VAT1L: variants seen among roughly 807,000 people sequenced by gnomAD.
The protein encoded by VAT1L is putative NADPH-dependent quinone oxidoreductase VAT1L.
In VAT1L, 34 loss-of-function variants were observed where a neutral mutation model predicts 44.1. That is an observed-to-expected ratio of 0.77 (90% CI 0.59 to 1.03). The LOEUF is 1.03. VAT1L is among the 50% of genes least tolerant of loss of function. The pLI is 0.00. For missense variants in VAT1L, 615 were observed against 538.8 expected (o/e 1.14, Z -1.40); for synonymous variants, 253 against 202.2 (o/e 1.25, Z -2.13).
chr16:77,927,509 G>C (rs1442102504), intron 7 of VAT1L, among the ~76,000 whole-genome samples: 1 of 152,096 alleles, frequency 6.6e-6, no homozygotes, highest in Non-Finnish European at 1.5e-5. Context: ...AGCTTTTGCT[G>C]TCATCCTATG....
chr16:77,897,254 C>T (rs1210345896), intron 7 of VAT1L, among the ~76,000 whole-genome samples: 1 of 152,180 alleles, frequency 6.6e-6, no homozygotes, highest in Non-Finnish European at 1.5e-5. Context: ...GGAATCCACA[C>T]TTCGGTCTGA....
chr16:77,802,389 G>A (rs558064485), intron 1 of VAT1L, among the ~76,000 whole-genome samples: 3 of 152,226 alleles, frequency 2.0e-5, no homozygotes, highest in South Asian at 2.1e-4. Context: ...GGGCAAGGGG[G>A]GTGGAGCACA....
intron 3 of VAT1L, among the ~76,000 whole-genome samples, chr16:77,853,333 A>G (rs1014599326): frequency 1.3e-5 from 2 of 152,216 alleles, no homozygotes; most frequent in Non-Finnish European, 2.9e-5. Context: ...CAACTAGGAA[A>G]AGAGGAAGTG....
At chr16:77,952,351 G>T (rs2018054098) in intron 7 of VAT1L, among the ~76,000 whole-genome samples, 1 of 152,106 alleles carries the variant, frequency 6.6e-6, no homozygotes, top group Admixed American at 6.6e-5. Flanking sequence ...GGGCCTAGTG[G>T]GAGGTGTTCG....
In VAT1L at chr16:77,788,881, C is replaced by T. The variant is rs376909830; in HGVS notation, c.199C>T (p.Gln67Ter). Reference protein sequence around the residue: ...RLFRKAMPEPQDGELKIRVKA... With the variant: ...RLFRKAMPEP ...CTTCAGGAAGGCCATGCCCGAGCCT[C>T]AGGACGGCGAGCTCAAGATCCGCGT... The change falls in exon 1 of 9, where the codon CAG (glutamine) becomes TAG (stop). Residue 67 changes from glutamine to a stop codon, truncating the protein, a stop_gained. Coordinates refer to ENST00000302536, the MANE Select transcript of VAT1L (RefSeq NM_020927.3). LOFTEE classifies it high-confidence loss of function. 1.9e-6 allele frequency: 3 copies of T among 1,553,276 alleles called. No individual in the cohort carries two copies. The highest frequency in any genetic ancestry group is 2.6e-6 in the Non-Finnish European group (3 of 1,151,286).
At chr16:77,867,029 C>T (rs935664439) in intron 4 of VAT1L, among the ~76,000 whole-genome samples, 1 of 152,150 alleles carries the variant, frequency 6.6e-6, no homozygotes, top group African/African-American at 2.4e-5. Flanking sequence ...AATAGCCACG[C>T]TTTGTTGCTC....
At chr16:77,847,971 G>C (rs1221517160) in intron 3 of VAT1L, among the ~76,000 whole-genome samples, 1 of 152,210 alleles carries the variant, frequency 6.6e-6, no homozygotes, top group East Asian at 1.9e-4. Flanking sequence ...CACCTTCCAG[G>C]CCACCGTCCC....
intron 3 of VAT1L, among the ~76,000 whole-genome samples, chr16:77,860,609 G>A (rs758373402): frequency 2.0e-5 from 3 of 152,210 alleles, no homozygotes; most frequent in Non-Finnish European, 4.4e-5. Context: ...GTTATCTCAA[G>A]CGCTGTCCAT....
At chr16:77,869,886 C>G (rs1260960855) in intron 4 of VAT1L, among the ~76,000 whole-genome samples, 1 of 152,102 alleles carries the variant, frequency 6.6e-6, no homozygotes, top group Non-Finnish European at 1.5e-5. Flanking sequence ...ATAGGTGAAG[C>G]CAAGGAGTAT....
At chr16:77,973,748 T>TG (rs2018305754) in intron 8 of VAT1L, among the ~76,000 whole-genome samples, 1 of 151,934 alleles carries the variant, frequency 6.6e-6, no homozygotes, top group African/African-American at 2.4e-5. Context: ...TTGTTTGAGA[T>TG]GGGGTCTCGC....
chr16:77,958,651 C>T (rs1348368935), intron 7 of VAT1L, among the ~76,000 whole-genome samples: 3 of 152,086 alleles, frequency 2.0e-5, no homozygotes, highest in East Asian at 1.9e-4. Context: ...ATTATGAGTT[C>T]GATTTCTGTA....
At chr16:77,936,888 T>TTGTA (rs1254204874) in intron 7 of VAT1L, among the ~76,000 whole-genome samples, 4 of 151,394 alleles carry the variant, frequency 2.6e-5, no homozygotes, top group Non-Finnish European at 4.4e-5. Context: ...GTTTGTTTGT[T>TTGTA]TGTTTGTTTG....
chr16:77,818,956 C>A (rs1388261210), intron 2 of VAT1L, among the ~76,000 whole-genome samples: 1 of 152,138 alleles, frequency 6.6e-6, no homozygotes, highest in African/African-American at 2.4e-5. Flanking sequence ...TCACCGGAGG[C>A]CGGGTAATAA....
intron 7 of VAT1L, among the ~76,000 whole-genome samples, chr16:77,951,964 G>T (rs578133420): frequency 7.9e-4 from 121 of 152,278 alleles, no homozygotes; most frequent in African/African-American, 2.5e-3. Flanking sequence ...AGCACTAGGG[G>T]GAGATAGTGG....
chr16:77,918,820 C>T (rs1477310407), intron 7 of VAT1L, among the ~76,000 whole-genome samples: 1 of 152,116 alleles, frequency 6.6e-6, no homozygotes, highest in Non-Finnish European at 1.5e-5. Context: ...TTATTGATCT[C>T]AAGGTTCAGA....
chr16:77,972,049 G>GAGACC (rs1213839989), intron 8 of VAT1L, 116 bp downstream of exon 8: 1 of 865,570 alleles, frequency 1.2e-6, no homozygotes, highest in African/African-American at 1.7e-5. Flanking sequence ...GCTAGTGGAG[G>GAGACC]AGACCAGGGG....
intron 1 of VAT1L, among the ~76,000 whole-genome samples, chr16:77,807,738 T>C (rs17774068): frequency 0.059 from 8,935 of 152,176 alleles, 521 homozygotes; most frequent in East Asian, 0.13. Context: ...TACTCTGTTT[T>C]ACATATACTG....
chr16:77,858,095 G>A (rs1170838497), intron 3 of VAT1L, among the ~76,000 whole-genome samples: 1 of 152,142 alleles, frequency 6.6e-6, no homozygotes, highest in African/African-American at 2.4e-5. Context: ...AGGAGCAGAG[G>A]GCCGGTGGAG....
chr16:77,834,576 T>C (rs1175708783), intron 3 of VAT1L, among the ~76,000 whole-genome samples: 1 of 152,146 alleles, frequency 6.6e-6, no homozygotes, highest in Non-Finnish European at 1.5e-5. Context: ...GTGTTAAAGA[T>C]TACAGAGGCT....
Sources: allele counts gnomAD v4.1 joint callset (sites outside exome capture counted in the v4.1 genomes callset), GRCh38; gene constraint gnomAD v4.1.1; transcripts MANE v1.5; gene names NCBI Gene and HGNC (gene_info 2026-07-23, HGNC 2026-07-21).